TRIM3: variants seen among roughly 807,000 people sequenced by gnomAD.
The protein encoded by TRIM3 is tripartite motif containing 3.
TRIM3 carries 13 observed loss-of-function variants against 66.6 expected under a neutral mutation model. The ratio of observed to expected loss-of-function variants is 0.20; its 90% confidence interval spans 0.13 to 0.31. The LOEUF is 0.31. Among genes scored for constraint, TRIM3 ranks in the 10% least tolerant of loss-of-function variants. The pLI, the probability that TRIM3 is intolerant of heterozygous loss-of-function variation, is 1.00. For missense variants in TRIM3, 711 were observed against 1,020.4 expected (o/e 0.70, Z 4.13); for synonymous variants, 406 against 411.7 (o/e 0.99, Z 0.17).
intron 2 of TRIM3, among the ~76,000 whole-genome samples, chr11:6,459,386 T>A (rs941521302): frequency 2.0e-5 from 3 of 152,160 alleles, no homozygotes; most frequent in Non-Finnish European, 2.9e-5. Context: ...CTTCACCCCC[T>A]CTGTGTGGGG....
Position 6,456,604 on chromosome 11 carries a change from A to G in TRIM3, c.1122T>C (p.Leu374=). Residue 374 remains leucine, a synonymous_variant, in exon 6 of 12, where the codon CTT becomes CTC. Transcript: ENST00000345851. This position sits in a 1 kb window ranked among gnomAD's most constrained non-coding sequence, Gnocchi z 6.4. ...TCTTGTGGTCCACCACTGGCACCGG[A>G]AGGCGCGTGCCGTCCGGGCCGGTGA... The part of the protein sequence containing the change: ...AEITGPDGTR[L]PVPVVDHKNG... 1.2e-6 allele frequency: 2 copies of G among 1,612,828 alleles called. No homozygotes were observed. The highest frequency in any genetic ancestry group is 2.2e-5 in the East Asian group (1 of 44,850).
chr11:6,455,267 CAT>C (rs58262951), intron 7 of TRIM3, among the ~76,000 whole-genome samples: 46,422 of 151,886 alleles, frequency 0.31, 9,085 homozygotes, highest in African/African-American at 0.56. Flanking sequence ...TAATTTTACA[CAT>C]GAGTTAACTG....
chr11:6,474,316 C>T (rs1850852195), upstream of TRIM3: 2 of 152,372 alleles, frequency 1.3e-5, no homozygotes, highest in African/African-American at 2.4e-5. Flanking sequence ...CGCCTGCCTC[C>T]TGGAGGCGCC....
chr11:6,456,256 C>G lies in TRIM3; in HGVS notation c.1429+41G>C. ...CCTCCCTTCCCTCCCCACCCACTACCTGAGCCTGGCCCATCTGGCTCTGCC... is the reference window on the plus strand; with the variant it reads ...CCTCCCTTCCCTCCCCACCCACTACGTGAGCCTGGCCCATCTGGCTCTGCC... On this transcript the variant is annotated intron_variant, in intron 6 of 11. Coordinates refer to ENST00000345851, the MANE Select transcript of TRIM3 (RefSeq NM_033278.4). This position sits in a 1 kb window ranked among gnomAD's most constrained non-coding sequence, Gnocchi z 6.4. 1 of 1,592,454 alleles carries G rather than the reference C, an allele frequency of 6.3e-7. No homozygotes were observed. The highest frequency in any genetic ancestry group is 8.6e-7 in the Non-Finnish European group (1 of 1,166,554).
At chr11:6,465,460 C>A in intron 2 of TRIM3, 105 bp downstream of exon 2, 1 of 1,421,190 alleles carries the variant, frequency 7.0e-7, no homozygotes. Context: ...TGTTGCCTCA[C>A]CTACTACAGG....
Position 6,451,253 on chromosome 11 carries a change from T to C in TRIM3, c.1701+18A>G. 6.2e-7 allele frequency: 1 copy of C among 1,613,576 alleles called. No homozygotes were observed. The highest frequency in any genetic ancestry group is 1.7e-5 in the Admixed American group (1 of 59,980). On this transcript the variant is annotated intron_variant, in intron 8 of 11. Coordinates refer to ENST00000345851, the MANE Select transcript of TRIM3 (RefSeq NM_033278.4). ...CAGCTGGACACCAGGGTAAGTAAAG[T>C]GACAGCAGGCCTCTCACCTTGAACT...
chr11:6,454,144 C>G (rs1393502808), intron 7 of TRIM3, among the ~76,000 whole-genome samples: 2 of 152,056 alleles, frequency 1.3e-5, no homozygotes, highest in Non-Finnish European at 2.9e-5. Context: ...TTTCAGAGGC[C>G]AAGGCAGGAG....
intron 2 of TRIM3, among the ~76,000 whole-genome samples, chr11:6,459,317 C>T (rs114906593): frequency 1.0e-3 from 155 of 152,280 alleles, no homozygotes; most frequent in African/African-American, 3.5e-3. Context: ...AGTTATCCTG[C>T]CAGCAATAGG....
intron 7 of TRIM3, 88 bp downstream of exon 7, chr11:6,455,984 G>C (rs1849948826): frequency 4.7e-6 from 6 of 1,288,128 alleles, no homozygotes; most frequent in Non-Finnish European, 6.7e-6. Flanking sequence ...CATCTTCCAG[G>C]AGGTGACCTG....
At chr11:6,464,276 G>A (rs1850355787) in intron 2 of TRIM3, among the ~76,000 whole-genome samples, 1 of 152,052 alleles carries the variant, frequency 6.6e-6, no homozygotes, top group African/African-American at 2.4e-5. Flanking sequence ...AGCCCTACCA[G>A]GCTTCCTCCA....
intron 2 of TRIM3, among the ~76,000 whole-genome samples, chr11:6,463,350 C>A (rs145866294): frequency 6.6e-6 from 1 of 152,232 alleles, no homozygotes; most frequent in Admixed American, 6.5e-5. Context: ...AATCACTTAG[C>A]CAGTCCCTGG....
intron 7 of TRIM3, among the ~76,000 whole-genome samples, chr11:6,453,535 A>C (rs1401901061): frequency 6.6e-6 from 1 of 152,182 alleles, no homozygotes; most frequent in South Asian, 2.1e-4. Flanking sequence ...CCAGACAAAA[A>C]CAAAAACAAA....
At position 6,449,346 on chromosome 11, in the gene TRIM3, C is replaced by T; in HGVS notation, c.2042G>A (p.Gly681Glu). The change falls in exon 11 of 12, where the codon GGA becomes GAA. Residue 681 changes from glycine (G) to glutamate (E), a missense_variant. Gly to Glu is a moderately conservative substitution (Grantham distance 98, BLOSUM62 -2). This residue lies in a region of TRIM3 where 163 missense variants were observed against 321.9 expected (regional missense o/e 0.51). Coordinates refer to ENST00000345851, the MANE Select transcript of TRIM3 (RefSeq NM_033278.4). The surrounding 1 kb of genome is among the most constrained non-coding windows in gnomAD (Gnocchi z 5.3). ...APTGVAVDSNGNIIVADWGNS... is the reference protein window; with the variant it reads ...APTGVAVDSNENIIVADWGNS... ...GCCCCAGTCAGCCACAATGATGTTTCCATTGGAGTCCACAGCTACTCCTGT... is the reference window on the plus strand; with the variant it reads ...GCCCCAGTCAGCCACAATGATGTTTTCATTGGAGTCCACAGCTACTCCTGT... 1 of 1,614,134 alleles carries T rather than the reference C, an allele frequency of 6.2e-7. No individual in the cohort carries two copies. Among genetic ancestry groups the T allele is most frequent in the Non-Finnish European group, 8.5e-7 (1 of 1,179,994 alleles).
chr11:6,472,935 G>A (rs913484520), intron 1 of TRIM3: 3 of 152,468 alleles, frequency 2.0e-5, no homozygotes, highest in Non-Finnish European at 4.4e-5. Context: ...TAGACAGACT[G>A]GCCAAGGGAG....
Position 6,456,458 on chromosome 11 carries a change from T to A in TRIM3, c.1268A>T (p.Asp423Val), listed in dbSNP as rs1022263413. Reference protein sequence around the residue: ...PFRVRALRPGDLPPSPDDVKR... With the variant: ...PFRVRALRPGVLPPSPDDVKR... ...CACATCGTCCGGGGAAGGTGGCAGG[T>A]CCCCCGGACGCAGGGCACGCACGCG... The change falls in exon 6 of 12, where the codon GAC becomes GTC. Residue 423 changes from aspartate to valine, a missense_variant. By Grantham distance (152) the Asp-to-Val change is radical. Around this residue, in one of 3 missense-constraint regions of TRIM3, gnomAD observed 399 missense variants for 458.1 expected, o/e 0.87. Coordinates refer to ENST00000345851, the MANE Select transcript of TRIM3 (RefSeq NM_033278.4). The surrounding 1 kb of genome is among the most constrained non-coding windows in gnomAD (Gnocchi z 6.4). 1 of 1,536,250 alleles carries A rather than the reference T, an allele frequency of 6.5e-7. No individual in the cohort carries two copies. The highest frequency in any genetic ancestry group is 8.8e-7 in the Non-Finnish European group (1 of 1,138,924).
At position 6,458,247 on chromosome 11, in the gene TRIM3, C is replaced by T; in HGVS notation, c.181G>A (p.Val61Ile). ...GGGAGGATGGACGTCTGCCGGCATA[C>T]TGGACAGGATAGCGTCAGGCTCTGG... is the stretch of plus-strand genomic sequence containing the variant. ...PAQSLTLSCP[V>I]CRQTSILPEQ... The change falls in exon 3 of 12, where the codon GTA becomes ATA. Residue 61 changes from valine (V) to isoleucine (I), a missense_variant. This residue lies in a region of TRIM3 where 149 missense variants were observed against 240.3 expected (regional missense o/e 0.62). Coordinates refer to ENST00000345851, the MANE Select transcript of TRIM3 (RefSeq NM_033278.4). This position sits in a 1 kb window ranked among gnomAD's most constrained non-coding sequence, Gnocchi z 6.2. 2 of 1,614,224 alleles carry T rather than the reference C, an allele frequency of 1.2e-6. No individual in the cohort carries two copies. Among genetic ancestry groups the T allele is most frequent in the East Asian group, 2.2e-5 (1 of 44,886 alleles).
At chr11:6,454,223 AAAAAT>A (rs1026226951) in intron 7 of TRIM3, among the ~76,000 whole-genome samples, 5 of 152,068 alleles carry the variant, frequency 3.3e-5, no homozygotes, top group Non-Finnish European at 5.9e-5. Context: ...TACTAAAAAT[AAAAAT>A]AAAATAAAAT....
Position 6,456,996 on chromosome 11 carries a change from C to A in TRIM3, c.730G>T (p.Gly244Cys). 1 of 1,598,826 alleles carries A rather than the reference C, an allele frequency of 6.3e-7. No homozygotes were observed. Among genetic ancestry groups the A allele is most frequent in the East Asian group, 2.2e-5 (1 of 44,578 alleles). ...CAGCTACTGCCGATGTGTTCCTGAC[C>A]CTGGCGCAGTGTGTCCAGCTGGCTT... ...LQSQLDTLRQ[G>C]QEHIGSSCSF... The change falls in exon 6 of 12, where the codon GGT becomes TGT. Residue 244 changes from glycine (G) to cysteine (C), a missense_variant. Gly to Cys is a radical substitution (Grantham distance 159, BLOSUM62 -3). Coordinates refer to ENST00000345851, the MANE Select transcript of TRIM3 (RefSeq NM_033278.4). This position sits in a 1 kb window ranked among gnomAD's most constrained non-coding sequence, Gnocchi z 6.4.
In TRIM3 at chr11:6,473,888, G is replaced by GCCCGCGCCTCCGCCTGTC. The variant is rs944769154; in HGVS notation, c.-153_-136dup. The GCCCGCGCCTCCGCCTGTC allele has an allele frequency of 6.6e-6, 1 of 152,080 alleles. No individual in the cohort carries two copies. Among genetic ancestry groups the GCCCGCGCCTCCGCCTGTC allele is most frequent in the Non-Finnish European group, 1.5e-5 (1 of 68,020 alleles). 9.4% of individuals were successfully genotyped at this position (152,080 alleles called of 1,614,324 possible). ...TGCCAGCGCCCGTCCGCCCGGCCCT[G>GCCCGCGCCTCCGCCTGTC]CCCGCGCCTCCGCCTGTCCCCGCGC... On this transcript the variant is annotated 5_prime_UTR_variant, in exon 1 of 12. Coordinates refer to ENST00000345851, the MANE Select transcript of TRIM3 (RefSeq NM_033278.4).
Sources: gnomAD v4.1 joint callset for allele counts (sites outside exome capture counted in the v4.1 genomes callset) on GRCh38, gnomAD v4.1.1 for gene constraint, gnomAD v4.1.1 regional missense constraint, Gnocchi (gnomAD v3.1) non-coding constraint, MANE v1.5 for transcripts, NCBI Gene and HGNC (gene_info 2026-07-23, HGNC 2026-07-21) for gene names.